CCDC93: variants seen among roughly 807,000 people sequenced by gnomAD.
The protein encoded by CCDC93 is coiled-coil domain-containing protein 93.
In CCDC93, 61 loss-of-function variants were observed where a neutral mutation model predicts 108.2. That is an observed-to-expected ratio of 0.56 (90% CI 0.46 to 0.70). The LOEUF (loss-of-function observed/expected upper bound fraction) is 0.70. Among genes scored for constraint, CCDC93 ranks in the 30% least tolerant of loss-of-function variants. CCDC93 has a pLI of 0.00. For synonymous variants in CCDC93, 276 were observed against 260.4 expected, an observed-to-expected ratio of 1.06 and a Z score of -0.58; for missense variants, 685 against 764.2, an observed-to-expected ratio of 0.90 and a Z score of 1.22.
chr2:118,008,372 T>C (rs1275896287), intron 2 of CCDC93, among the ~76,000 whole-genome samples, 173 bp downstream of exon 2: 1 of 152,236 alleles, frequency 6.6e-6, no homozygotes, highest in Non-Finnish European at 1.5e-5. Flanking sequence ...TGATACATCA[T>C]TTCTGTCTTT....
At chr2:117,949,928 C>CAGTGTTGGGGATCTGCATT in intron 13 of CCDC93, 1 of 985,352 alleles carries the variant, frequency 1.0e-6, no homozygotes. Context: ...GACTGGTGTG[C>CAGTGTTGGGGATCTGCATT]AGTGTTGGGG....
At position 117,974,867 on chromosome 2, in the gene CCDC93, C is replaced by T. The variant is rs577490713; in HGVS notation, c.784G>A (p.Ala262Thr). ...CCACTCACCTCCTCATTTGCCATAG[C>T]GGTCATCTTGGTCATCAGCGACTGA... ...RIQSLMTKMTAMANEESRLTA... is the reference protein window; with the variant it reads ...RIQSLMTKMTTMANEESRLTA... The change falls in exon 10 of 24, where the codon GCT (alanine) becomes ACT (threonine). Residue 262 changes from alanine (A) to threonine (T), a missense_variant. Ala to Thr is a moderately conservative substitution (Grantham distance 58). Coordinates refer to ENST00000376300, the MANE Select transcript of CCDC93 (RefSeq NM_019044.5). The T allele has an allele frequency of 3.8e-5, 60 of 1,571,600 alleles. No homozygotes were observed. In the South Asian group the frequency reaches 5.3e-4, roughly 14 times the overall value.
intron 7 of CCDC93, among the ~76,000 whole-genome samples, chr2:117,980,060 A>G (rs927852536): frequency 2.6e-5 from 4 of 152,202 alleles, no homozygotes; most frequent in Non-Finnish European, 5.9e-5. Flanking sequence ...CTAATTTGAC[A>G]GAAGCAGCGT....
At chr2:118,002,085 C>T (rs1359059599) in intron 3 of CCDC93, among the ~76,000 whole-genome samples, 1 of 152,144 alleles carries the variant, frequency 6.6e-6, no homozygotes, top group Non-Finnish European at 1.5e-5. Flanking sequence ...AAATCTTAGC[C>T]AGTCACAGCA....
chr2:117,984,005 G>A (rs141918701), intron 7 of CCDC93, among the ~76,000 whole-genome samples: 497 of 152,232 alleles, frequency 3.3e-3, no homozygotes, highest in African/African-American at 0.011. Flanking sequence ...TATCTTAGTT[G>A]AAGTGCCAAT....
At chr2:117,959,272 A>T (rs1679315149) in intron 11 of CCDC93, among the ~76,000 whole-genome samples, 1 of 152,264 alleles carries the variant, frequency 6.6e-6, no homozygotes, top group South Asian at 2.1e-4. Flanking sequence ...CCCAGGAAAA[A>T]GAAATTAAAA....
intron 20 of CCDC93, among the ~76,000 whole-genome samples, chr2:117,938,039 G>A (rs1231575262): frequency 6.6e-6 from 1 of 152,124 alleles, no homozygotes; most frequent in Non-Finnish European, 1.5e-5. Context: ...TAGACTACAA[G>A]GTGACAAAAT....
chr2:117,976,100 T>C (rs568662128), intron 8 of CCDC93, among the ~76,000 whole-genome samples: 1 of 152,256 alleles, frequency 6.6e-6, no homozygotes, highest in South Asian at 2.1e-4. Context: ...TCTTGGACCA[T>C]CCCAACTCTA....
intron 1 of CCDC93, among the ~76,000 whole-genome samples, chr2:118,011,208 A>AAAG (rs3080399): frequency 0.97 from 148,069 of 152,248 alleles, 72,139 homozygotes; most frequent in Middle Eastern, 1. Context: ...CTGACAATGG[A>AAAG]AAGTTTATTT....
intron 11 of CCDC93, among the ~76,000 whole-genome samples, chr2:117,970,548 G>C (rs1043744844): frequency 7.2e-5 from 11 of 152,122 alleles, no homozygotes; most frequent in African/African-American, 2.2e-4. Context: ...AGAAATACTT[G>C]CATCACAGTG....
rs1678301361 is a variant in CCDC93 at position 117,930,863 on chromosome 2, A to G, written c.1842+174T>C. 4 of 520,010 alleles carry G rather than the reference A, an allele frequency of 7.7e-6. No individual in the cohort carries two copies. The East Asian group carries it at 9.2e-5, about 12-fold the overall frequency. The allele number at this position is 520,010 out of a possible 1,614,324, so 32.2% of individuals were successfully genotyped here. A position where few individuals can be genotyped will look rare whatever the true frequency, so the allele number is the denominator to read the frequency against. ...TAGACCTCAAGATGGGCCACAGAAAAACGCAATCTTCAGCTACCTAGACGC... is the reference window on the plus strand; with the variant it reads ...TAGACCTCAAGATGGGCCACAGAAAGACGCAATCTTCAGCTACCTAGACGC... On this transcript the variant is annotated intron_variant, in intron 23 of 23. Transcript: ENST00000376300.
intron 23 of CCDC93, among the ~76,000 whole-genome samples, chr2:117,928,702 C>T (rs376266555): frequency 1.5e-4 from 23 of 152,276 alleles, no homozygotes; most frequent in Admixed American, 9.2e-4. Context: ...GTCAGTGTGG[C>T]GATTCCTCAG....
At position 117,919,213 on chromosome 2, in the gene CCDC93, C is replaced by G. The variant is rs1418744276; in HGVS notation, c.*1130G>C. On this transcript the variant is annotated 3_prime_UTR_variant, in exon 24 of 24. Transcript: ENST00000376300. ...GGCCCTCCAAAGCCTAGTCTCAGCC[C>G]TACTTCCCAGACGGGTCTCTGAAGC... 6.6e-6 allele frequency: 1 copy of G among 152,304 alleles called. No individual in the cohort carries two copies. The highest frequency in any genetic ancestry group is 1.5e-5 in the Non-Finnish European group (1 of 68,148). The allele number at this position is 152,304 out of a possible 1,614,324, so 9.4% of individuals were successfully genotyped here. A position where few individuals can be genotyped will look rare whatever the true frequency, so the allele number is the denominator to read the frequency against.
chr2:118,004,151 A>G (rs943552248), intron 3 of CCDC93, among the ~76,000 whole-genome samples: 3 of 152,252 alleles, frequency 2.0e-5, no homozygotes, highest in African/African-American at 7.2e-5. Context: ...AACTTGGTCC[A>G]GGTCCAATAC....
chr2:117,944,113 T>C (rs1442648186), intron 17 of CCDC93, 27 bp from the exon 18 acceptor site: 7 of 1,525,826 alleles, frequency 4.6e-6, no homozygotes, highest in Non-Finnish European at 6.2e-6. Context: ...GCTGTAATTA[T>C]CTGGGAATAG....
chr2:117,937,883 C>A (rs1002477500), intron 20 of CCDC93, among the ~76,000 whole-genome samples: 1 of 152,150 alleles, frequency 6.6e-6, no homozygotes, highest in Non-Finnish European at 1.5e-5. Flanking sequence ...AAACAGCTTC[C>A]CAAGGAGCAC....
rs1320513453 is a variant in CCDC93 at position 118,013,946 on chromosome 2, G to T, written c.42+8C>A. The T allele has an allele frequency of 2.5e-6, 4 of 1,586,358 alleles. No individual in the cohort carries two copies. The highest frequency in any genetic ancestry group is 2.7e-5 in the African/African-American group (2 of 73,820). On this transcript the variant is annotated splice_region_variant and intron_variant, in intron 1 of 23. Transcript: ENST00000376300. ...CCGACGTGTCAGGGAAGGAGGAGGC[G>T]TTCTTACCTCCGGGAGACCCTGGCC...
intron 23 of CCDC93, among the ~76,000 whole-genome samples, chr2:117,926,992 C>T (rs891252398): frequency 6.6e-6 from 1 of 152,036 alleles, no homozygotes; most frequent in African/African-American, 2.4e-5. Context: ...CATAATCCAG[C>T]ATATAAACAG....
At chr2:117,990,621 T>C (rs894398637) in intron 6 of CCDC93, among the ~76,000 whole-genome samples, 10 of 108,518 alleles carry the variant, frequency 9.2e-5, no homozygotes, top group East Asian at 2.7e-4. Context: ...TCCTACATAA[T>C]GGCCAAGTGA....
Sources: allele counts gnomAD v4.1 joint callset (sites outside exome capture counted in the v4.1 genomes callset), GRCh38; gene constraint gnomAD v4.1.1; transcripts MANE v1.5; gene names NCBI Gene and HGNC (gene_info 2026-07-23, HGNC 2026-07-21).